Variants in RANBP9 observed in about 807,000 individuals in gnomAD.
RANBP9 encodes RAN binding protein 9.
A neutral mutation model predicts 84.3 loss-of-function variants in RANBP9; 15 were observed. The ratio of observed to expected loss-of-function variants is 0.18; its 90% CI spans 0.12 to 0.27. The LOEUF (loss-of-function observed/expected upper bound fraction) is 0.27, where lower values mean the gene tolerates loss of function less well. Among genes scored for constraint, RANBP9 ranks in the 10% least tolerant of loss-of-function variants. RANBP9 has a pLI of 1.00. For synonymous variants in RANBP9, 392 were observed against 349.6 expected (o/e 1.12, Z -1.35); for missense variants, 809 against 912.8 (o/e 0.89, Z 1.46).
At position 13,622,647 on chromosome 6, in the gene RANBP9, C is replaced by T. The variant is rs187569492; in HGVS notation, c.2060-155G>A. On this transcript the variant is annotated intron_variant, in intron 13 of 13. Coordinates refer to ENST00000011619, the MANE Select transcript of RANBP9 (RefSeq NM_005493.3). ...AAGGTTTCTAAGCAAAAGACAGATG[C>T]CGCCTTGGACATACTATTCTGACAA... Among the ~76,000 whole-genome samples, 47 of 148,824 alleles carry T rather than the reference C, an allele frequency of 3.2e-4. No homozygotes were observed. The East Asian group carries it at 6.9e-3, about 22-fold the overall frequency.
chr6:13,658,998 TTAAG>T lies in RANBP9; in HGVS notation c.684-170_684-167del, dbSNP rs1308964998. Among the ~76,000 whole-genome samples the T allele has an allele frequency of 3.3e-5, 5 of 152,204 alleles. No individual in the cohort carries two copies. The East Asian group carries it at 9.6e-4, about 29-fold the overall frequency. On this transcript the variant is annotated intron_variant, in intron 2 of 13. Transcript: ENST00000011619. The stretch of plus-strand genomic sequence containing the variant: ...TATTATGTAACAACAACGGGCAATA[TTAAG>T]TACCAGTAATACTCAGACTTCACAG...
At chr6:13,707,298 C>T (rs756952544) in intron 1 of RANBP9, among the ~76,000 whole-genome samples, 7 of 152,120 alleles carry the variant, frequency 4.6e-5, no homozygotes, top group South Asian at 4.1e-4. Flanking sequence ...GGATTACAGG[C>T]GTAAGCCACC....
At chr6:13,658,869 TTA>T (rs1765471173) in intron 2 of RANBP9, 37 bp from the exon 3 acceptor site, 1 of 1,505,888 alleles carries the variant, frequency 6.6e-7, no homozygotes, top group African/African-American at 1.4e-5. Context: ...GAAAAGGACA[TTA>T]TTACAGTCAT....
intron 2 of RANBP9, among the ~76,000 whole-genome samples, chr6:13,686,239 G>A (rs1766182174): frequency 6.7e-6 from 1 of 150,062 alleles, no homozygotes; most frequent in Admixed American, 6.7e-5. Context: ...CATATAGCTG[G>A]GACCACAGGT....
chr6:13,644,525 T>C lies in RANBP9; in HGVS notation c.1112+20A>G, dbSNP rs1395293405. The C allele has an allele frequency of 1.3e-6, 2 of 1,598,540 alleles. No homozygotes were observed. The highest frequency in any genetic ancestry group is 2.2e-5 in the South Asian group (2 of 89,044). On this transcript the variant is annotated intron_variant, in intron 6 of 13. Coordinates refer to ENST00000011619, the MANE Select transcript of RANBP9 (RefSeq NM_005493.3). ...AAAACAGATTCTGAATAGCATCAATTGAAATTTCTTCACTCTTACTTTTGT... is the reference window on the plus strand; with the variant it reads ...AAAACAGATTCTGAATAGCATCAATCGAAATTTCTTCACTCTTACTTTTGT...
At chr6:13,629,909 C>G (rs1431247614) in intron 12 of RANBP9, among the ~76,000 whole-genome samples, 2 of 122,482 alleles carry the variant, frequency 1.6e-5, no homozygotes, top group African/African-American at 6.3e-5. Context: ...CTCTCTCTCT[C>G]TCTCTCTCTC....
At chr6:13,708,526 C>T (rs990869989) in intron 1 of RANBP9, among the ~76,000 whole-genome samples, 8 of 152,072 alleles carry the variant, frequency 5.3e-5, no homozygotes, top group African/African-American at 1.9e-4. Context: ...GGAAAATTCT[C>T]GTCACTCTGG....
rs1354000360 is a variant in RANBP9, at chr6:13,711,811, G to C, written c.-306C>G. 6.8e-6 allele frequency among the ~76,000 whole-genome samples: 1 copy of C among 146,418 alleles called. No individual in the cohort carries two copies. The highest frequency in any genetic ancestry group is 1.5e-5 in the Non-Finnish European group (1 of 65,830). ...AGGGGAAGGCGCGCTGGCGGCCGCC[G>C]CGGCCGCTGCTCTCGCGGCTGTTTC... On this transcript the variant is annotated 5_prime_UTR_variant, in exon 1 of 14. Transcript: ENST00000011619.
chr6:13,654,651 G>A (rs895492826), intron 4 of RANBP9, among the ~76,000 whole-genome samples: 8 of 152,176 alleles, frequency 5.3e-5, no homozygotes, highest in African/African-American at 1.9e-4. Context: ...CTGCTTTCCA[G>A]GCCATATGGT....
intron 2 of RANBP9, among the ~76,000 whole-genome samples, chr6:13,662,689 A>T (rs139384868): frequency 0.014 from 2,126 of 152,298 alleles, 50 homozygotes; most frequent in African/African-American, 0.048. Flanking sequence ...AACCTTTTAA[A>T]CTTGGGCTTT....
At chr6:13,639,464 C>T in intron 9 of RANBP9, 99 bp downstream of exon 9, 2 of 1,296,386 alleles carry the variant, frequency 1.5e-6, no homozygotes, top group South Asian at 2.9e-5. Context: ...AAGCGTGAGC[C>T]ACCGTGCCCA....
In RANBP9 at chr6:13,662,199, T is replaced by C. The variant is rs1584929681; in HGVS notation, c.684-3367A>G. 2.6e-5 allele frequency among the ~76,000 whole-genome samples: 4 copies of C among 152,246 alleles called. No individual in the cohort carries two copies. The South Asian group carries it at 8.3e-4, about 32-fold the overall frequency. ...AATTTAAAAAATACTATTCAGAGTT[T>C]TAAAATCTATCATCCATACATAATG... is the stretch of plus-strand genomic sequence containing the variant. On this transcript the variant is annotated intron_variant, in intron 2 of 13. Coordinates refer to ENST00000011619, the MANE Select transcript of RANBP9 (RefSeq NM_005493.3).
chr6:13,633,925 A>G (rs952957379), intron 11 of RANBP9, among the ~76,000 whole-genome samples: 1 of 121,288 alleles, frequency 8.2e-6, no homozygotes, highest in African/African-American at 3.2e-5. Context: ...TTGGAGCCAC[A>G]TAATTTTTTT....
intron 2 of RANBP9, among the ~76,000 whole-genome samples, chr6:13,668,706 A>C (rs1001334249): frequency 1.3e-5 from 2 of 152,168 alleles, no homozygotes; most frequent in Non-Finnish European, 2.9e-5. Context: ...ATCATGACTC[A>C]GCAAGCTTGA....
chr6:13,649,700 CTT>C (rs1765251910), intron 5 of RANBP9, among the ~76,000 whole-genome samples: 1 of 152,132 alleles, frequency 6.6e-6, no homozygotes, highest in Non-Finnish European at 1.5e-5. Flanking sequence ...AATCTCCTAA[CTT>C]AATTTTTTTT....
intron 5 of RANBP9, among the ~76,000 whole-genome samples, chr6:13,649,646 T>C (rs752317465): frequency 6.6e-5 from 10 of 152,040 alleles, no homozygotes; most frequent in East Asian, 1.9e-4. Flanking sequence ...TACACATCTG[T>C]CTACCTCTTT....
chr6:13,646,138 G>A (rs1183900370), intron 5 of RANBP9, among the ~76,000 whole-genome samples: 1 of 152,194 alleles, frequency 6.6e-6, no homozygotes, highest in Non-Finnish European at 1.5e-5. Context: ...GGCCAGGCAT[G>A]GTGGCTCACG....
intron 2 of RANBP9, among the ~76,000 whole-genome samples, chr6:13,666,923 A>C (rs923905683): frequency 1.3e-5 from 2 of 152,152 alleles, no homozygotes; most frequent in Admixed American, 1.3e-4. Flanking sequence ...TGACAAAGGG[A>C]AATTTGTAAT....
chr6:13,650,229 G>A (rs535198248), intron 5 of RANBP9, among the ~76,000 whole-genome samples: 1 of 149,974 alleles, frequency 6.7e-6, no homozygotes, highest in South Asian at 2.1e-4. Flanking sequence ...TTGAACTCCT[G>A]GCCTCAAGCA....
Sources: allele counts gnomAD v4.1 joint callset (sites outside exome capture counted in the v4.1 genomes callset), GRCh38; gene constraint gnomAD v4.1.1; transcripts MANE v1.5; gene names NCBI Gene and HGNC (gene_info 2026-07-23, HGNC 2026-07-21).